The following ADGRL2 variants were observed in gnomAD, a reference collection of about 807,000 sequenced individuals.
ADGRL2 encodes adhesion G protein-coupled receptor L2, also known as calcium-independent alpha-latrotoxin receptor 2.
In ADGRL2, 44 loss-of-function variants were observed where a neutral mutation model predicts 157.4. The observed-to-expected ratio is 0.28, with a 90% CI of 0.22 to 0.36. ADGRL2 has a LOEUF of 0.36. Among genes scored for constraint, ADGRL2 ranks in the 10% least tolerant of loss-of-function variants. ADGRL2 has a pLI of 1.00. For synonymous variants in ADGRL2, 585 were observed against 624.7 expected, an observed-to-expected ratio of 0.94 and a Z score of 0.95; for missense variants, 1,510 against 1,768.9, an observed-to-expected ratio of 0.85 and a Z score of 2.63.
intron 2 of ADGRL2, among the ~76,000 whole-genome samples, chr1:81,871,562 G>A (rs2093695190): frequency 6.6e-6 from 1 of 152,142 alleles, no homozygotes; most frequent in South Asian, 2.1e-4. Flanking sequence ...CAGTGTAAAA[G>A]TGATCCTATT....
chr1:81,846,898 A>T (rs554475040), intron 2 of ADGRL2, among the ~76,000 whole-genome samples: 1 of 151,958 alleles, frequency 6.6e-6, no homozygotes, highest in South Asian at 2.1e-4. Flanking sequence ...GGCGATGTTG[A>T]CAGGCTTTTT....
At chr1:81,486,455 GA>G (rs1407780956) in intron 2 of ADGRL2, among the ~76,000 whole-genome samples, 3 of 151,026 alleles carry the variant, frequency 2.0e-5, no homozygotes, top group East Asian at 2.0e-4. Context: ...ACTACTTTGG[GA>G]AAAAAATATA....
At chr1:81,609,874 A>G (rs1480013602) in intron 3 of ADGRL2, among the ~76,000 whole-genome samples, 5 of 152,174 alleles carry the variant, frequency 3.3e-5, no homozygotes, top group Non-Finnish European at 7.3e-5. Context: ...TGACACTTCC[A>G]CCTTGAATTT....
At chr1:81,378,259 T>G (rs1004565664) in intron 1 of ADGRL2, among the ~76,000 whole-genome samples, 1 of 151,842 alleles carries the variant, frequency 6.6e-6, no homozygotes. Flanking sequence ...GTCATCAAGG[T>G]GTCCAAGTTC....
intron 1 of ADGRL2, among the ~76,000 whole-genome samples, chr1:81,828,834 C>T (rs901967969): frequency 5.9e-5 from 9 of 152,004 alleles, no homozygotes; most frequent in Admixed American, 1.3e-4. Context: ...CTCAAAATGA[C>T]ACAGTCTGTT....
intron 2 of ADGRL2, among the ~76,000 whole-genome samples, chr1:81,568,788 G>A (rs889690710): frequency 6.6e-6 from 1 of 151,998 alleles, no homozygotes; most frequent in Non-Finnish European, 1.5e-5. Context: ...ACCAAAAACT[G>A]AATTATTCAA....
At chr1:81,921,659 C>A (rs568221428) in intron 3 of ADGRL2, among the ~76,000 whole-genome samples, 1 of 152,298 alleles carries the variant, frequency 6.6e-6, no homozygotes, top group African/African-American at 2.4e-5. Flanking sequence ...GCCTTTCAGA[C>A]AAGTTACTGA....
chr1:81,516,276 T>C (rs752980319), intron 2 of ADGRL2, among the ~76,000 whole-genome samples: 1 of 152,242 alleles, frequency 6.6e-6, no homozygotes, highest in African/African-American at 2.4e-5. Flanking sequence ...TCTGCTTCTA[T>C]GACCTTTACT....
chr1:81,955,338 GT>G (rs67444684), intron 10 of ADGRL2, among the ~76,000 whole-genome samples: 42,206 of 149,332 alleles, frequency 0.28, 6,379 homozygotes, highest in Middle Eastern at 0.38. Context: ...ATGCCACCTT[GT>G]TTTTTTTTTA....
chr1:81,950,273 G>T lies in ADGRL2; in HGVS notation c.1295G>T (p.Gly432Val). The change falls in exon 7 of 24, where the codon GGC becomes GTC. Residue 432 changes from glycine (G) to valine (V), a missense_variant. Physicochemically the swap from Gly to Val is moderately radical, Grantham distance 109. Coordinates refer to ENST00000686636, the MANE Select transcript of ADGRL2 (RefSeq NM_001366006.2). ...ACCACAAGCACTACTTCACAGAAAG[G>T]CCCCATGAGCACAACTGTAGCTGGA... ...ISTTSTTSQKGPMSTTVAGSQ... is the reference protein window; with the variant it reads ...ISTTSTTSQKVPMSTTVAGSQ... 6.2e-7 allele frequency: 1 copy of T among 1,613,926 alleles called. No homozygotes were observed. The highest frequency in any genetic ancestry group is 8.5e-7 in the Non-Finnish European group (1 of 1,179,926).
intron 1 of ADGRL2, among the ~76,000 whole-genome samples, chr1:81,334,805 T>C (rs1661517948): frequency 6.6e-6 from 1 of 152,174 alleles, no homozygotes; most frequent in African/African-American, 2.4e-5. Flanking sequence ...GTCAGTACCT[T>C]AGAGGAATTA....
Position 81,839,896 on chromosome 1 carries a change from T to TATATATGATGGAATATATATATATA in ADGRL2, c.73+2845_73+2846insGATGGAATATATATATATAATATAT, listed in dbSNP as rs2092477967. Among the ~76,000 whole-genome samples the TATATATGATGGAATATATATATATA allele has an allele frequency of 5.7e-5, 7 of 123,544 alleles. No homozygotes were observed. In the East Asian group the frequency reaches 7.2e-4, roughly 13 times the overall value. 81.0% of individuals were successfully genotyped at this position (123,544 alleles called of 152,430 possible). ...TCATATATATATATTTTCCATCATA[T>TATATATGATGGAATATATATATATA]ATATATATATTTTCCATCATATATA... On this transcript the variant is annotated intron_variant, in intron 2 of 23. Transcript: ENST00000686636.
intron 3 of ADGRL2, among the ~76,000 whole-genome samples, chr1:81,912,690 G>A (rs1011855871): frequency 7.2e-5 from 11 of 152,136 alleles, no homozygotes; most frequent in Admixed American, 3.3e-4. Context: ...CGGAACAGAC[G>A]TGGGAGAATT....
intron 2 of ADGRL2, among the ~76,000 whole-genome samples, chr1:81,477,369 A>G (rs2078294301): frequency 6.6e-6 from 1 of 152,246 alleles, no homozygotes; most frequent in Non-Finnish European, 1.5e-5. Context: ...GTATAAATAA[A>G]TAAGGAAATG....
chr1:81,879,057 T>C (rs560240398), intron 2 of ADGRL2, among the ~76,000 whole-genome samples: 4 of 152,340 alleles, frequency 2.6e-5, no homozygotes, highest in Admixed American at 6.5e-5. Flanking sequence ...ATGAAAATAA[T>C]GTATCTTCTT....
intron 1 of ADGRL2, among the ~76,000 whole-genome samples, chr1:81,424,577 G>A (rs1439489265): frequency 1.6e-4 from 24 of 152,096 alleles, no homozygotes; most frequent in African/African-American, 5.8e-4. Context: ...TATCATTGTG[G>A]GCAGTTTTTA....
At chr1:81,365,559 T>G (rs7519544) in intron 1 of ADGRL2, among the ~76,000 whole-genome samples, 47,130 of 152,068 alleles carry the variant, frequency 0.31, 8,425 homozygotes, top group East Asian at 0.65. Flanking sequence ...TCTTCCTTCT[T>G]AAATCAAAAT....
At chr1:81,401,213 A>T (rs1014580021) in intron 1 of ADGRL2, among the ~76,000 whole-genome samples, 2 of 152,170 alleles carry the variant, frequency 1.3e-5, no homozygotes, top group Non-Finnish European at 2.9e-5. Flanking sequence ...TCCAGGAGGC[A>T]GTACCACTTC....
At chr1:81,363,548 G>C (rs1374499769) in intron 1 of ADGRL2, among the ~76,000 whole-genome samples, 1 of 152,002 alleles carries the variant, frequency 6.6e-6, no homozygotes, top group Non-Finnish European at 1.5e-5. Flanking sequence ...ATTAGCCCTA[G>C]GTCTAAAAAA....
Sources: gnomAD v4.1 joint callset for allele counts (sites outside exome capture counted in the v4.1 genomes callset) on GRCh38, gnomAD v4.1.1 for gene constraint, MANE v1.5 for transcripts, NCBI Gene and HGNC (gene_info 2026-07-23, HGNC 2026-07-21) for gene names.